ASNSD1: variants seen among roughly 807,000 people sequenced by gnomAD.
The protein encoded by ASNSD1 is asparagine synthetase domain containing 1.
In ASNSD1, 36 loss-of-function variants were observed where a neutral mutation model predicts 48.3. The ratio of observed to expected loss-of-function variants is 0.75; its 90% CI spans 0.57 to 0.99. ASNSD1 has a LOEUF of 0.99. Ranked by LOEUF, ASNSD1 falls within the 50% of genes least tolerant of loss-of-function variation. ASNSD1 has a pLI of 0.00. For synonymous variants in ASNSD1, 257 were observed against 262.1 expected (o/e 0.98, Z 0.19); for missense variants, 714 against 758.2 (o/e 0.94, Z 0.69).
In ASNSD1 at chr2:189,667,840, G is replaced by T; in HGVS notation, c.1541G>T (p.Gly514Val). The change falls in exon 5 of 6, where the codon GGG becomes GTG. Residue 514 changes from glycine (G) to valine (V), a missense_variant. Transcript: ENST00000260952. Reference sequence around the variant, plus strand: ...CATCGTGTCCGCTTTCAGTCGCATGGGCTGGAAGGATTGAATAAGGAAATA... The same window carrying T: ...CATCGTGTCCGCTTTCAGTCGCATGTGCTGGAAGGATTGAATAAGGAAATA... ...SRHRVRFQSH[G>V]LEGLNKEIMM... 6.2e-7 allele frequency: 1 copy of T among 1,614,102 alleles called. No individual in the cohort carries two copies. The highest frequency in any genetic ancestry group is 1.3e-5 in the African/African-American group (1 of 75,036).
chr2:189,666,463 C>T lies in ASNSD1; in HGVS notation c.331C>T (p.Leu111Phe), dbSNP rs146979789. The change falls in exon 4 of 6, where the codon CTC (leucine) becomes TTC (phenylalanine). Residue 111 changes from leucine to phenylalanine, a missense_variant. Physicochemically the swap from Leu to Phe is conservative, Grantham distance 22. Transcript: ENST00000260952. ...TAAGAATGAATCTGAGATTTTGTCA[C>T]TCTTCTCAGAAGTACAAGGTCCCTG... ...SCKNESEILS[L>F]FSEVQGPWSF... The T allele has an allele frequency of 6.2e-7, 1 of 1,613,576 alleles. No individual in the cohort carries two copies. Among genetic ancestry groups the T allele is most frequent in the Non-Finnish European group, 8.5e-7 (1 of 1,179,770 alleles).
chr2:189,667,696 G>A, intron 4 of ASNSD1, 68 bp from the exon 5 acceptor site: 2 of 1,540,100 alleles, frequency 1.3e-6, no homozygotes, highest in Non-Finnish European at 1.7e-6. Flanking sequence ...TATTTTAGGT[G>A]CATTTATCTT....
Position 189,670,767 on chromosome 2 carries a change from T to C in ASNSD1, c.*41T>C. 7.7e-7 allele frequency: 1 copy of C among 1,300,134 alleles called. No individual in the cohort carries two copies. The allele number at this position is 1,300,134 out of a possible 1,614,324, so 80.5% of individuals were successfully genotyped here. ...AACAATATAAAAATAAGTTTTTATA[T>C]AATTATATAAAAGTAAGATACTCTG... On this transcript the variant is annotated 3_prime_UTR_variant, in exon 6 of 6. Coordinates refer to ENST00000260952, the MANE Select transcript of ASNSD1 (RefSeq NM_019048.4).
chr2:189,670,367 C>A, intron 5 of ASNSD1, 74 bp from the exon 6 acceptor site: 1 of 1,274,526 alleles, frequency 7.8e-7, no homozygotes, highest in Non-Finnish European at 1.1e-6. Flanking sequence ...TAAATTTTAG[C>A]TATAAAACTG....
At chr2:189,665,644 A>ATATATATATATG (rs1455945789) in intron 3 of ASNSD1, among the ~76,000 whole-genome samples, 193 bp downstream of exon 3, 6 of 123,746 alleles carry the variant, frequency 4.8e-5, no homozygotes, top group East Asian at 4.8e-4. Flanking sequence ...ATATATATAT[A>ATATATATATATG]TATTATAAAT....
chr2:189,670,148 A>G (rs1313108387), intron 5 of ASNSD1, among the ~76,000 whole-genome samples: 1 of 151,130 alleles, frequency 6.6e-6, no homozygotes, highest in East Asian at 1.9e-4. Flanking sequence ...ATCTCTACCA[A>G]CAAATACAAA....
intron 1 of ASNSD1, among the ~76,000 whole-genome samples, chr2:189,663,158 CT>C (rs1041047699): frequency 1.3e-5 from 2 of 151,406 alleles, no homozygotes; most frequent in Non-Finnish European, 2.9e-5. Flanking sequence ...ATTCAATTTG[CT>C]TTTTTTTAAA....
chr2:189,668,991 G>A (rs1246042497), intron 5 of ASNSD1, among the ~76,000 whole-genome samples: 1 of 152,024 alleles, frequency 6.6e-6, no homozygotes, highest in East Asian at 1.9e-4. Flanking sequence ...TTATTACAAG[G>A]GTGCAAGCAT....
At chr2:189,664,839 CTT>C (rs1462723637) in intron 2 of ASNSD1, among the ~76,000 whole-genome samples, 1 of 152,028 alleles carries the variant, frequency 6.6e-6, no homozygotes, top group African/African-American at 2.4e-5. Flanking sequence ...AACTATAACA[CTT>C]TGACCCAGCA....
At chr2:189,662,827 T>C (rs1188631237) in intron 1 of ASNSD1, among the ~76,000 whole-genome samples, 1 of 151,840 alleles carries the variant, frequency 6.6e-6, no homozygotes, top group Non-Finnish European at 1.5e-5. Context: ...CCCAGGCCTG[T>C]AGTCCCAGCT....
chr2:189,665,636 ATAT>A (rs2032783117), intron 3 of ASNSD1, among the ~76,000 whole-genome samples, 185 bp downstream of exon 3: 1 of 110,418 alleles, frequency 9.1e-6, no homozygotes, highest in African/African-American at 3.2e-5. Context: ...ATATATATAT[ATAT>A]ATATATATTA....
In ASNSD1 at chr2:189,662,806, C is replaced by A. The variant is rs2032697251; in HGVS notation, c.-222-1095C>A. Among the ~76,000 whole-genome samples the A allele has an allele frequency of 2.0e-5, 3 of 151,908 alleles. No individual in the cohort carries two copies. In the South Asian group the frequency reaches 6.2e-4, roughly 32 times the overall value. On this transcript the variant is annotated intron_variant, in intron 1 of 5. Coordinates refer to ENST00000260952, the MANE Select transcript of ASNSD1 (RefSeq NM_019048.4). ...CCCTACAAATAAATGAAGCCCAGGC[C>A]AGCATGGTGGCCCAGGCCTGTAGTC...
At chr2:189,661,931 T>C (rs935922107) in intron 1 of ASNSD1, among the ~76,000 whole-genome samples, 1 of 152,158 alleles carries the variant, frequency 6.6e-6, no homozygotes, top group Non-Finnish European at 1.5e-5. Context: ...CCATCAAAGA[T>C]ATTCTCCATC....
Position 189,664,918 on chromosome 2 carries a change from A to T in ASNSD1, c.-168-458A>T, listed in dbSNP as rs190263546. On this transcript the variant is annotated intron_variant, in intron 2 of 5. Transcript: ENST00000260952. ...AGTGCACAAAGATTTAGTTACAAAG[A>T]TAATCATCACAACCTTGATTTACAA... 5.3e-5 allele frequency among the ~76,000 whole-genome samples: 8 copies of T among 152,348 alleles called. No homozygotes were observed. In the East Asian group the frequency reaches 1.5e-3, roughly 29 times the overall value.
At chr2:189,670,313 G>T in intron 5 of ASNSD1, 128 bp from the exon 6 acceptor site, 1 of 641,412 alleles carries the variant, frequency 1.6e-6, no homozygotes, top group Non-Finnish European at 2.6e-6. Context: ...AGACTATTTT[G>T]TAGTATATGT....
intron 3 of ASNSD1, 29 bp from the exon 4 acceptor site, chr2:189,666,012 T>C (rs1304747411): frequency 2.6e-6 from 3 of 1,132,146 alleles, no homozygotes; most frequent in Non-Finnish European, 3.6e-6. Context: ...TTTATGTTAT[T>C]TAATATTTAT....
chr2:189,667,004 G>A lies in ASNSD1; in HGVS notation c.872G>A (p.Ser291Asn). 6.2e-7 allele frequency: 1 copy of A among 1,614,154 alleles called. No individual in the cohort carries two copies. The highest frequency in any genetic ancestry group is 8.5e-7 in the Non-Finnish European group (1 of 1,180,018). The change falls in exon 4 of 6, where the codon AGT becomes AAT. Residue 291 changes from serine (S) to asparagine (N), a missense_variant. Physicochemically the swap from Ser to Asn is conservative, Grantham distance 46. Coordinates refer to ENST00000260952, the MANE Select transcript of ASNSD1 (RefSeq NM_019048.4). ...EVIQQFIDVL[S>N]VAVKKRVLCL... ...ATTCAGCAGTTCATTGATGTCCTGA[G>A]TGTAGCAGTCAAGAAACGTGTCTTG...
chr2:189,667,973 C>T lies in ASNSD1; in HGVS notation c.1646+28C>T, dbSNP rs201005604. ...AATTCTAATCATTTGAGTGTTCTTACGGTATTTTTATAAAAACAGCAGAGT... is the reference window on the plus strand; with the variant it reads ...AATTCTAATCATTTGAGTGTTCTTATGGTATTTTTATAAAAACAGCAGAGT... On this transcript the variant is annotated intron_variant, in intron 5 of 5. Coordinates refer to ENST00000260952, the MANE Select transcript of ASNSD1 (RefSeq NM_019048.4). 213 of 1,575,556 alleles carry T rather than the reference C, an allele frequency of 1.4e-4. No homozygotes were observed. In the African/African-American group the frequency reaches 2.3e-3, roughly 17 times the overall value.
Position 189,667,505 on chromosome 2 carries a change from A to G in ASNSD1, c.1373A>G (p.Asp458Gly), listed in dbSNP as rs1459925850. 6.2e-7 allele frequency: 1 copy of G among 1,614,210 alleles called. No individual in the cohort carries two copies. Among genetic ancestry groups the G allele is most frequent in the Admixed American group, 1.7e-5 (1 of 60,014 alleles). Residue 458 changes from aspartate (D) to glycine (G), a missense_variant, in exon 4 of 6, where the codon GAT becomes GGT. Coordinates refer to ENST00000260952, the MANE Select transcript of ASNSD1 (RefSeq NM_019048.4). ...LIRPLDTVLD[D>G]SIGCAVWFAS... ...CGGCCATTGGATACAGTTTTGGATG[A>G]TAGCATTGGCTGTGCAGTCTGGTTT...
Sources: allele counts gnomAD v4.1 joint callset (sites outside exome capture counted in the v4.1 genomes callset), GRCh38; gene constraint gnomAD v4.1.1; transcripts MANE v1.5; gene names NCBI Gene and HGNC (gene_info 2026-07-23, HGNC 2026-07-21).